Variants in ERCC6L observed in about 807,000 individuals in gnomAD.
ERCC6L encodes the protein ERCC excision repair 6 like, spindle assembly checkpoint helicase.
In ERCC6L, 7 loss-of-function variants were observed where a neutral mutation model predicts 20.1. That is an observed-to-expected ratio of 0.35 (90% confidence interval 0.20 to 0.65). The LOEUF is 0.65. Among genes scored for constraint, ERCC6L ranks in the 30% least tolerant of loss-of-function variants. The probability of loss-of-function intolerance (pLI) is 0.69; values close to 1 mark genes in which losing one functional copy is unlikely to be tolerated. For synonymous variants in ERCC6L, 278 were observed against 331.3 expected (o/e 0.84, Z 1.75); for missense variants, 592 against 892.4 (o/e 0.66, Z 4.29).
At chrX:72,225,551 G>A (rs1336072895) in intron 1 of ERCC6L, among the ~76,000 whole-genome samples, 1 of 112,387 alleles carries the variant, frequency 8.9e-6, no homozygotes, top group Non-Finnish European at 1.9e-5. Context: ...CAGCATGAAA[G>A]CAAAGCATTC....
At chrX:72,222,594 C>T (rs1285128339) in intron 1 of ERCC6L, among the ~76,000 whole-genome samples, 1 of 80,392 alleles carries the variant, frequency 1.2e-5, no homozygotes, top group Non-Finnish European at 2.1e-5. Context: ...GAGAATCCAG[C>T]CTTTTTTTTT....
At position 72,205,004 on chromosome X, in the gene ERCC6L, G is replaced by A. The variant is rs1482865674; in HGVS notation, c.*10C>T. On this transcript the variant is annotated 3_prime_UTR_variant, in exon 2 of 2. Transcript: ENST00000334463. ...GTTTCACTTTAAAATACAATAAACA[G>A]GTTACATTCTCAATTGTTATTAAGT... 8.6e-7 allele frequency: 1 copy of A among 1,156,763 alleles called. No individual in the cohort carries two copies. The highest frequency in any genetic ancestry group is 1.2e-6 in the Non-Finnish European group (1 of 861,973).
chrX:72,233,687 ACT>A (rs1467320509), intron 1 of ERCC6L, among the ~76,000 whole-genome samples: 1 of 102,954 alleles, frequency 9.7e-6, no homozygotes, highest in Non-Finnish European at 1.9e-5. Flanking sequence ...GCGCCACCAC[ACT>A]CCAGCCCGGA....
At chrX:72,209,533 CCTTT>C (rs1163361618) in intron 1 of ERCC6L, among the ~76,000 whole-genome samples, 2 of 111,818 alleles carry the variant, frequency 1.8e-5, no homozygotes, top group East Asian at 5.6e-4. Context: ...TCATCCTTGT[CCTTT>C]CTTTTTATGC....
intron 1 of ERCC6L, among the ~76,000 whole-genome samples, chrX:72,231,440 C>T (rs892965950): frequency 3.6e-5 from 4 of 111,263 alleles, no homozygotes; most frequent in African/African-American, 1.3e-4. Context: ...AAATGTTAGT[C>T]AATGGTACAA....
intron 1 of ERCC6L, chrX:72,238,064 A>ACATGAG (rs1208493884): frequency 8.9e-6 from 1 of 111,957 alleles, no homozygotes; most frequent in Non-Finnish European, 1.9e-5. Flanking sequence ...CAGTTTTGCC[A>ACATGAG]CATGAGAAAA....
Position 72,205,761 on chromosome X carries a change from C to T in ERCC6L, c.3006G>A (p.Glu1002=), listed in dbSNP as rs1384452338. 4 of 1,211,808 alleles carry T rather than the reference C, an allele frequency of 3.3e-6. No individual in the cohort carries two copies. The highest frequency in any genetic ancestry group is 3.5e-5 in the South Asian group (2 of 56,993). ...CTGGTTCATCGTCTTTCTCAGAAAA[C>T]TCCCAACTGAGACATGTTTTGCTAT... The part of the protein sequence containing the change: ...FVHSKTCLSW[E]FSEKDDEPEE... Residue 1002 remains glutamate (E), a synonymous_variant, in exon 2 of 2, where the codon GAG becomes GAA. Coordinates refer to ENST00000334463, the MANE Select transcript of ERCC6L (RefSeq NM_017669.4).
intron 1 of ERCC6L, among the ~76,000 whole-genome samples, chrX:72,226,976 A>T (rs759015482): frequency 5.4e-5 from 6 of 112,025 alleles, no homozygotes; most frequent in Non-Finnish European, 1.1e-4. Context: ...GCCATTTCCC[A>T]TCAATGTTCT....
rs762834270 is a variant in ERCC6L at position 72,207,313 on chromosome X, G to A, written c.1454C>T (p.Ser485Leu). The stretch of plus-strand genomic sequence containing the variant: ...TTCAATGATGTTTAGAATTTGCCTC[G>A]ATTGAGAAAACACCAGAGTTTGATG... ...EGHQTLVFSQ[S>L]RQILNIIERL... is the part of the protein sequence containing the mutation. Residue 485 changes from serine (S) to leucine (L), a missense_variant, in exon 2 of 2, where the codon TCG becomes TTG. Around this residue, in one of 3 missense-constraint regions of ERCC6L, gnomAD observed 196 missense variants for 440.1 expected, o/e 0.45. Transcript: ENST00000334463. The A allele has an allele frequency of 2.9e-5, 35 of 1,208,985 alleles. No homozygotes were observed. The Middle Eastern group carries it at 6.9e-4, about 24-fold the overall frequency.
chrX:72,229,771 C>G (rs763085574), intron 1 of ERCC6L, among the ~76,000 whole-genome samples: 52 of 111,845 alleles, frequency 4.6e-4, no homozygotes, highest in Middle Eastern at 9.2e-3. Flanking sequence ...CCCTTAATAG[C>G]CACCTTGGGT....
chrX:72,214,527 G>A (rs750699312), intron 1 of ERCC6L, among the ~76,000 whole-genome samples: 4 of 109,895 alleles, frequency 3.6e-5, no homozygotes, highest in African/African-American at 9.9e-5. Context: ...ACAAAAATTA[G>A]CCAGGCATGG....
At chrX:72,214,672 C>CAAAAA (rs58451189) in intron 1 of ERCC6L, among the ~76,000 whole-genome samples, 2 of 41,973 alleles carry the variant, frequency 4.8e-5, no homozygotes. Context: ...GACTCCATCT[C>CAAAAA]AAAAAAAAAA....
intron 1 of ERCC6L, among the ~76,000 whole-genome samples, chrX:72,235,069 C>T (rs1274219805): frequency 1.8e-5 from 2 of 111,984 alleles, no homozygotes; most frequent in African/African-American, 6.5e-5. Flanking sequence ...GTATTAGTTT[C>T]CTATTGCTGC....
At position 72,238,923 on chromosome X, in the gene ERCC6L, T is replaced by C; in HGVS notation, c.-12A>G. The C allele has an allele frequency of 8.4e-7, 1 of 1,183,871 alleles. No homozygotes were observed. Among genetic ancestry groups the C allele is most frequent in the Non-Finnish European group, 1.1e-6 (1 of 879,939 alleles). On this transcript the variant is annotated 5_prime_UTR_variant, in exon 1 of 2. Transcript: ENST00000334463. ...CGGGATGCCTCCATGACCCTCGGAT[T>C]GGGTTCCAGTTACCCCGGCGGGAGT... is the stretch of plus-strand genomic sequence containing the variant.
chrX:72,204,893 CTTT>C lies in ERCC6L; in HGVS notation c.*118_*120del. On this transcript the variant is annotated 3_prime_UTR_variant, in exon 2 of 2. Transcript: ENST00000334463. Reference sequence around the variant, plus strand: ...GGGGGGCGTTGCAGGGCAGAAGTTGCTTTTTGAGATCTTTCTTGCCTTAAGCCT... The same window carrying C: ...GGGGGGCGTTGCAGGGCAGAAGTTGCTTGAGATCTTTCTTGCCTTAAGCCT... 2 of 603,402 alleles carry C rather than the reference CTTT, an allele frequency of 3.3e-6. No individual in the cohort carries two copies. The highest frequency in any genetic ancestry group is 4.9e-6 in the Non-Finnish European group (2 of 411,171). The allele number at this position is 603,402 out of a possible 1,213,427, so 49.7% of individuals were successfully genotyped here. A position where few individuals can be genotyped will look rare whatever the true frequency, so the allele number is the denominator to read the frequency against.
At position 72,208,459 on chromosome X, in the gene ERCC6L, C is replaced by T; in HGVS notation, c.308G>A (p.Gly103Asp). 8.3e-7 allele frequency: 1 copy of T among 1,211,600 alleles called. No homozygotes were observed. Among genetic ancestry groups the T allele is most frequent in the Non-Finnish European group, 1.1e-6 (1 of 895,375 alleles). The change falls in exon 2 of 2, where the codon GGC becomes GAC. Residue 103 changes from glycine to aspartate, a missense_variant. Around this residue, in one of 3 missense-constraint regions of ERCC6L, gnomAD observed 196 missense variants for 440.1 expected, o/e 0.45. Coordinates refer to ENST00000334463, the MANE Select transcript of ERCC6L (RefSeq NM_017669.4). ...HNQLFEHQKEGIAFLYSLYRD... is the reference protein window; with the variant it reads ...HNQLFEHQKEDIAFLYSLYRD... ...ATACAGGCTATAGAGGAAAGCTATGCCTTCCTTCTGGTGCTCAAAGAGTTG... is the reference window on the plus strand; with the variant it reads ...ATACAGGCTATAGAGGAAAGCTATGTCTTCCTTCTGGTGCTCAAAGAGTTG...
At position 72,205,933 on chromosome X, in the gene ERCC6L, G is replaced by A. The variant is rs566814162; in HGVS notation, c.2834C>T (p.Ser945Phe). The A allele has an allele frequency of 1.7e-4, 203 of 1,209,638 alleles. 1 individual carries two copies. In the South Asian group the frequency reaches 3.2e-3, roughly 19 times the overall value. ...EAKLEEEPSASSPQYACDFNL... is the reference protein window; with the variant it reads ...EAKLEEEPSAFSPQYACDFNL... ...GAAATCACATGCATACTGTGGTGAA[G>A]ATGCTGAAGGTTCCTCTTCCAACTT... Residue 945 changes from serine to phenylalanine, a missense_variant, in exon 2 of 2, where the codon TCT becomes TTT. By Grantham distance (155) the Ser-to-Phe change is radical. Coordinates refer to ENST00000334463, the MANE Select transcript of ERCC6L (RefSeq NM_017669.4).
intron 1 of ERCC6L, among the ~76,000 whole-genome samples, chrX:72,212,656 G>C (rs758720429): frequency 1.8e-5 from 2 of 112,482 alleles, no homozygotes; most frequent in Admixed American, 1.9e-4. Context: ...AATGTGAAGA[G>C]ACAGCTGGGA....
At chrX:72,213,807 T>G (rs974205579) in intron 1 of ERCC6L, among the ~76,000 whole-genome samples, 1 of 111,733 alleles carries the variant, frequency 8.9e-6, no homozygotes, top group Admixed American at 9.5e-5. Flanking sequence ...CAAGGTTCCA[T>G]TCCTTGGAAT....
Sources: allele counts gnomAD v4.1 joint callset (sites outside exome capture counted in the v4.1 genomes callset), GRCh38; gene constraint gnomAD v4.1.1; regional missense constraint gnomAD v4.1.1; transcripts MANE v1.5; gene names NCBI Gene and HGNC (gene_info 2026-07-23, HGNC 2026-07-21).